ATP7B: variants seen among roughly 807,000 people sequenced by gnomAD.
ATP7B encodes ATPase copper transporting beta.
Under a neutral mutation model 118.9 loss-of-function variants are expected in ATP7B, and 113 were observed. The ratio of observed to expected loss-of-function variants is 0.95; its 90% CI spans 0.82 to 1.11. ATP7B has a LOEUF of 1.11. ATP7B is among the 50% of genes most tolerant of loss of function. The pLI, the probability that ATP7B is intolerant of heterozygous loss-of-function variation, is 0.00. For missense variants in ATP7B, 1,867 were observed against 1,871.4 expected (o/e 1.00, Z 0.04); for synonymous variants, 777 against 727.4 (o/e 1.07, Z -1.10).
chr13:51,988,651 C>T (rs1952771604), intron 1 of ATP7B, among the ~76,000 whole-genome samples: 1 of 152,076 alleles, frequency 6.6e-6, no homozygotes, highest in Non-Finnish European at 1.5e-5. Context: ...GACTTGGAAC[C>T]AACCCAAATG....
chr13:51,949,604 C>G, intron 12 of ATP7B, 58 bp downstream of exon 12: 1 of 1,592,046 alleles, frequency 6.3e-7, no homozygotes, highest in Non-Finnish European at 8.6e-7. Context: ...AGAACAGGAT[C>G]AATGTCAGTA....
chr13:51,999,561 C>A (rs867828238), intron 1 of ATP7B, among the ~76,000 whole-genome samples: 17 of 152,212 alleles, frequency 1.1e-4, no homozygotes, highest in South Asian at 2.1e-4. Flanking sequence ...ATGGGATTAT[C>A]GAAAAGTAAA....
chr13:51,935,455 C>T (rs1956902221), intron 20 of ATP7B, 138 bp downstream of exon 20: 3 of 943,250 alleles, frequency 3.2e-6, no homozygotes, highest in African/African-American at 1.6e-5. Flanking sequence ...GCACACCAGG[C>T]TCCATGTGGG....
At chr13:51,991,134 A>G (rs1032913694) in intron 1 of ATP7B, among the ~76,000 whole-genome samples, 6 of 152,144 alleles carry the variant, frequency 3.9e-5, no homozygotes, top group African/African-American at 1.2e-4. Flanking sequence ...TTACCTAAGA[A>G]CAAAATTCCA....
At position 51,946,369 on chromosome 13, in the gene ATP7B, G is replaced by A. The variant is rs201038679; in HGVS notation, c.2975C>T (p.Pro992Leu). ...ACPCSLGLATPTAVMVGTGVA... is the reference protein window; with the variant it reads ...ACPCSLGLATLTAVMVGTGVA... ...CCCGGTGCCCACCATGACAGCCGTG[G>A]GCGTGGCCAGCCCCAGGGAGCAGGG... Residue 992 changes from proline to leucine, a missense_variant, in exon 13 of 21, where the codon CCC becomes CTC. Transcript: ENST00000242839. The A allele has an allele frequency of 9.9e-6, 16 of 1,613,392 alleles. No individual in the cohort carries two copies. In the East Asian group the frequency reaches 3.1e-4, roughly 31 times the overall value.
intron 20 of ATP7B, 152 bp downstream of exon 20, chr13:51,935,441 G>T: frequency 1.2e-6 from 1 of 852,778 alleles, no homozygotes; most frequent in Non-Finnish European, 1.9e-6. Flanking sequence ...TAAGTTACAT[G>T]CATGCACACC....
rs1360279134 is a variant in ATP7B at position 51,970,491 on chromosome 13, C to G, written c.1543+1G>C. On this transcript the variant is annotated splice_donor_variant, in intron 3 of 20. Transcript: ENST00000242839. LOFTEE classifies it high-confidence loss of function. The stretch of plus-strand genomic sequence containing the variant: ...GTTCAACATGGGCGTTCATCTCTTA[C>G]CAGCTTCTTTCTGCAGATTCCTTTC... The G allele has an allele frequency of 1.2e-6, 2 of 1,614,188 alleles. No individual in the cohort carries two copies. Among genetic ancestry groups the G allele is most frequent in the South Asian group, 1.1e-5 (1 of 91,086 alleles).
At chr13:51,963,187 G>A (rs1958864390) in intron 5 of ATP7B, among the ~76,000 whole-genome samples, 1 of 152,108 alleles carries the variant, frequency 6.6e-6, no homozygotes, top group Non-Finnish European at 1.5e-5. Context: ...GCATCAGTCT[G>A]ATGTCTGAGC....
intron 1 of ATP7B, among the ~76,000 whole-genome samples, chr13:51,984,410 CTA>C (rs1952557723): frequency 2.0e-5 from 3 of 152,166 alleles, no homozygotes; most frequent in South Asian, 4.2e-4. Flanking sequence ...AAATATAAGA[CTA>C]TGTGAAAAGA....
chr13:51,947,170 A>AGGG (rs1957719179), intron 12 of ATP7B, among the ~76,000 whole-genome samples: 1 of 152,258 alleles, frequency 6.6e-6, no homozygotes, highest in African/African-American at 2.4e-5. Context: ...TACCAGCAGC[A>AGGG]CTGCAAAATT....
intron 13 of ATP7B, among the ~76,000 whole-genome samples, chr13:51,945,756 G>A (rs185223605): frequency 2.0e-3 from 306 of 152,330 alleles, no homozygotes; most frequent in Admixed American, 3.6e-3. Flanking sequence ...GGGCTCACAC[G>A]CAGTGAGTGC....
At chr13:51,972,477 A>G (rs1290712738) in intron 2 of ATP7B, among the ~76,000 whole-genome samples, 4 of 152,026 alleles carry the variant, frequency 2.6e-5, no homozygotes, top group African/African-American at 9.7e-5. Flanking sequence ...GTCCTCCAGC[A>G]TCTCAGCTAA....
At chr13:51,946,712 C>G in intron 12 of ATP7B, 1 of 596,684 alleles carries the variant, frequency 1.7e-6, no homozygotes, top group South Asian at 1.9e-5. Context: ...ATTACAGGAG[C>G]AGAGTCAAAT....
chr13:51,995,705 C>CA (rs1347091999), intron 1 of ATP7B, among the ~76,000 whole-genome samples: 12 of 152,200 alleles, frequency 7.9e-5, no homozygotes, highest in Non-Finnish European at 1.6e-4. Flanking sequence ...GAGAGGCTGC[C>CA]AGCAGTCTTC....
chr13:51,975,703 T>C (rs995652439), intron 1 of ATP7B: 13 of 434,718 alleles, frequency 3.0e-5, no homozygotes, highest in Non-Finnish European at 5.6e-5. Context: ...AGAGGTTAAA[T>C]GTGCTTAACA....
intron 1 of ATP7B, among the ~76,000 whole-genome samples, chr13:51,984,096 T>C (rs1952543206): frequency 6.6e-6 from 1 of 151,380 alleles, no homozygotes; most frequent in Non-Finnish European, 1.5e-5. Flanking sequence ...TTTTAGAAGG[T>C]GGGTAATAAA....
chr13:51,968,749 T>G (rs78699520), intron 3 of ATP7B, 142 bp from the exon 4 acceptor site: 2 of 1,051,184 alleles, frequency 1.9e-6, no homozygotes, highest in African/African-American at 3.1e-5. Context: ...AAAATGAGGC[T>G]GCACATGAGG....
At chr13:51,979,610 CAA>C (rs1952310500) in intron 1 of ATP7B, among the ~76,000 whole-genome samples, 1 of 152,082 alleles carries the variant, frequency 6.6e-6, no homozygotes, top group South Asian at 2.1e-4. Flanking sequence ...AGAAGATATT[CAA>C]AGACATTCAT....
rs1304584505 is a variant in ATP7B, at chr13:51,942,390, T to C, written c.3408A>G (p.Glu1136=). ...AGAGACAAAAGCCAGCAATACCTTT[T>C]TCTGCGGGAAGGCTGCCAGCCTCAT... is the stretch of plus-strand genomic sequence containing the variant. The part of the protein sequence containing the change: ...HLNEAGSLPA[E]KDAVPQTFSV... Residue 1136 remains glutamate, a synonymous_variant, in exon 15 of 21, where the codon GAA becomes GAG. Coordinates refer to ENST00000242839, the MANE Select transcript of ATP7B (RefSeq NM_000053.4). 6.2e-7 allele frequency: 1 copy of C among 1,614,134 alleles called. No homozygotes were observed. Among genetic ancestry groups the C allele is most frequent in the South Asian group, 1.1e-5 (1 of 91,076 alleles).
Sources: allele counts gnomAD v4.1 joint callset (sites outside exome capture counted in the v4.1 genomes callset), GRCh38; gene constraint gnomAD v4.1.1; transcripts MANE v1.5; gene names NCBI Gene and HGNC (gene_info 2026-07-23, HGNC 2026-07-21).